CBX2: variants seen among roughly 807,000 people sequenced by gnomAD.
CBX2 encodes chromobox 2.
CBX2 carries 11 observed loss-of-function variants against 21.0 expected under a neutral mutation model. The ratio of observed to expected loss-of-function variants is 0.52; its 90% CI spans 0.33 to 0.87. CBX2 has a LOEUF of 0.87. Ranked by LOEUF, CBX2 falls within the 40% of genes least tolerant of loss-of-function variation. The pLI is 0.02. For synonymous variants in CBX2, 364 were observed against 304.6 expected (o/e 1.19, Z -2.03); for missense variants, 746 against 724.3 (o/e 1.03, Z -0.34).
In CBX2 at chr17:79,778,533, AG is replaced by A; in HGVS notation, c.116+107del. Reference sequence around the variant, plus strand: ...CGGTGGCCTGGGGGCGCCCGCGGGCAGAGCGGGAAGTTCGCGGGGTCCCCGC... The same window carrying A: ...CGGTGGCCTGGGGGCGCCCGCGGGCAAGCGGGAAGTTCGCGGGGTCCCCGC... On this transcript the variant is annotated intron_variant, in intron 2 of 4. Transcript: ENST00000310942. The surrounding 1 kb of genome is among the most constrained non-coding windows in gnomAD (Gnocchi z 4.8). 1.6e-6 allele frequency: 1 copy of A among 623,356 alleles called. No homozygotes were observed. The allele number at this position is 623,356 out of a possible 1,614,324, so 38.6% of individuals were successfully genotyped here. A position where few individuals can be genotyped will look rare whatever the true frequency, so the allele number is the denominator to read the frequency against.
rs1353017720 is a variant in CBX2, at chr17:79,785,342, T to C, written c.*300T>C. On this transcript the variant is annotated 3_prime_UTR_variant, in exon 5 of 5. Coordinates refer to ENST00000310942, the MANE Select transcript of CBX2 (RefSeq NM_005189.3). Reference sequence around the variant, plus strand: ...GCACCTGTGGCTCCAGGTGACTGTCTTGAACAGAGCGGGCTTCTTCATGGC... The same window carrying C: ...GCACCTGTGGCTCCAGGTGACTGTCCTGAACAGAGCGGGCTTCTTCATGGC... 1 of 501,298 alleles carries C rather than the reference T, an allele frequency of 2.0e-6. No individual in the cohort carries two copies. The highest frequency in any genetic ancestry group is 3.7e-6 in the Non-Finnish European group (1 of 273,866). The allele number at this position is 501,298 out of a possible 1,614,324, so 31.1% of individuals were successfully genotyped here.
Position 79,778,449 on chromosome 17 carries a change from G to T in CBX2, c.116+22G>T. On this transcript the variant is annotated intron_variant, in intron 2 of 4. Transcript: ENST00000310942. This position sits in a 1 kb window ranked among gnomAD's most constrained non-coding sequence, Gnocchi z 4.8. ...CCAAGTGAGTCCCCCGCGACGCCGC[G>T]CCCCCCTCCCGCCCCCTCGCCCGGG... 1 of 1,491,728 alleles carries T rather than the reference G, an allele frequency of 6.7e-7. No homozygotes were observed. The highest frequency in any genetic ancestry group is 1.4e-5 in the African/African-American group (1 of 69,272). The allele number at this position is 1,491,728 out of a possible 1,614,324, so 92.4% of individuals were successfully genotyped here. A position where few individuals can be genotyped will look rare whatever the true frequency, so the allele number is the denominator to read the frequency against.
chr17:79,787,225 G>A lies in CBX2; in HGVS notation c.*2183G>A, dbSNP rs781986370. 6.6e-5 allele frequency: 10 copies of A among 152,488 alleles called. No individual in the cohort carries two copies. Among genetic ancestry groups the A allele is most frequent in the Non-Finnish European group, 1.3e-4 (9 of 68,068 alleles). The allele number at this position is 152,488 out of a possible 1,614,324, so 9.4% of individuals were successfully genotyped here. A position where few individuals can be genotyped will look rare whatever the true frequency, so the allele number is the denominator to read the frequency against. On this transcript the variant is annotated 3_prime_UTR_variant, in exon 5 of 5. Coordinates refer to ENST00000310942, the MANE Select transcript of CBX2 (RefSeq NM_005189.3). ...TGCTACCTTCACTGCTCCAAAGCCA[G>A]ACTAACAGCTCTCCAAGCCCTTGGG...
At chr17:79,781,240 C>T (rs1322744959) in intron 3 of CBX2, among the ~76,000 whole-genome samples, 2 of 152,200 alleles carry the variant, frequency 1.3e-5, no homozygotes, top group African/African-American at 4.8e-5. Flanking sequence ...GCCCACGGTG[C>T]TCCTTGCCCG....
intron 4 of CBX2, among the ~76,000 whole-genome samples, chr17:79,782,834 A>G (rs1490397420): frequency 6.6e-6 from 1 of 152,144 alleles, no homozygotes; most frequent in African/African-American, 2.4e-5. Context: ...CTCCTAAAGC[A>G]CACGCTGTAG....
chr17:79,782,407 C>T (rs1328333959), intron 4 of CBX2: 67 of 1,352,282 alleles, frequency 5.0e-5, no homozygotes, highest in Non-Finnish European at 5.8e-5. Flanking sequence ...TATGCATGCG[C>T]CCCTGGGGTC....
rs1284376791 is a variant in CBX2, at chr17:79,787,572, TTGC to T, written c.*2535_*2537del. 5.9e-5 allele frequency: 9 copies of T among 152,552 alleles called. No homozygotes were observed. The highest frequency in any genetic ancestry group is 7.2e-5 in the African/African-American group (3 of 41,464). 9.4% of individuals were successfully genotyped at this position (152,552 alleles called of 1,614,324 possible). A position where few individuals can be genotyped will look rare whatever the true frequency, so the allele number is the denominator to read the frequency against. On this transcript the variant is annotated 3_prime_UTR_variant, in exon 5 of 5. Coordinates refer to ENST00000310942, the MANE Select transcript of CBX2 (RefSeq NM_005189.3). ...AAAAGTAGACTTTTTCTATTTTTAT[TTGC>T]TGCTATTTGTGTGTGTGTTTGTGTT...
Position 79,785,090 on chromosome 17 carries a change from T to A in CBX2, c.*48T>A. Reference sequence around the variant, plus strand: ...CGGTCTTACTCCCCTTCCCTGCCTATGGTGTCGCTTGGCTAAGTGACTCCC... The same window carrying A: ...CGGTCTTACTCCCCTTCCCTGCCTAAGGTGTCGCTTGGCTAAGTGACTCCC... On this transcript the variant is annotated 3_prime_UTR_variant, in exon 5 of 5. Coordinates refer to ENST00000310942, the MANE Select transcript of CBX2 (RefSeq NM_005189.3). The A allele has an allele frequency of 6.7e-7, 1 of 1,503,114 alleles. No homozygotes were observed. The highest frequency in any genetic ancestry group is 9.1e-7 in the Non-Finnish European group (1 of 1,093,254). The allele number at this position is 1,503,114 out of a possible 1,614,324, so 93.1% of individuals were successfully genotyped here.
Position 79,784,846 on chromosome 17 carries a change from A to C in CBX2, c.1403A>C (p.Asp468Ala). Reference sequence around the variant, plus strand: ...GCAGGTGAGGAGAGTAGCAGCTCGGACTCCGACCCCGACTCCGCCTCGCCG... The same window carrying C: ...GCAGGTGAGGAGAGTAGCAGCTCGGCCTCCGACCCCGACTCCGCCTCGCCG... ...MSAGEESSSSDSDPDSASPPS... is the reference protein window; with the variant it reads ...MSAGEESSSSASDPDSASPPS... The change falls in exon 5 of 5, where the codon GAC becomes GCC. Residue 468 changes from aspartate to alanine, a missense_variant. Asp to Ala is a moderately radical substitution (Grantham distance 126). Transcript: ENST00000310942. This position sits in a 1 kb window ranked among gnomAD's most constrained non-coding sequence, Gnocchi z 5.9. The C allele has an allele frequency of 6.2e-7, 1 of 1,612,596 alleles. No individual in the cohort carries two copies. Among genetic ancestry groups the C allele is most frequent in the Non-Finnish European group, 8.5e-7 (1 of 1,179,816 alleles).
Position 79,787,295 on chromosome 17 carries a change from C to G in CBX2, c.*2253C>G, listed in dbSNP as rs1555832281. 1 of 152,656 alleles carries G rather than the reference C, an allele frequency of 6.6e-6. No individual in the cohort carries two copies. Among genetic ancestry groups the G allele is most frequent in the East Asian group, 1.9e-4 (1 of 5,200 alleles). The allele number at this position is 152,656 out of a possible 1,614,324, so 9.5% of individuals were successfully genotyped here. On this transcript the variant is annotated 3_prime_UTR_variant, in exon 5 of 5. Coordinates refer to ENST00000310942, the MANE Select transcript of CBX2 (RefSeq NM_005189.3). ...CTGTTGGAGAAATGAGGATGTCTGT[C>G]CCTGTCTGCCTGGGCAGGCCAGATT...
At position 79,779,419 on chromosome 17, in the gene CBX2, C is replaced by T; in HGVS notation, c.174C>T (p.Phe58=). The change falls in exon 3 of 5, where the codon TTC becomes TTT. Residue 58 remains phenylalanine, a synonymous_variant. Coordinates refer to ENST00000310942, the MANE Select transcript of CBX2 (RefSeq NM_005189.3). ...TGGACCCGAGGCTGCTCCTGGCCTTCCAGAAGAAGTGAGGACGCTGACAGC... is the reference window on the plus strand; with the variant it reads ...TGGACCCGAGGCTGCTCCTGGCCTTTCAGAAGAAGTGAGGACGCTGACAGC... The part of the protein sequence containing the change: ...NILDPRLLLA[F]QKKEHEKEVQ... 1 of 1,612,856 alleles carries T rather than the reference C, an allele frequency of 6.2e-7. No individual in the cohort carries two copies. The highest frequency in any genetic ancestry group is 8.5e-7 in the Non-Finnish European group (1 of 1,179,778).
chr17:79,779,326 C>T (rs371788511), intron 2 of CBX2, 36 bp from the exon 3 acceptor site: 6 of 1,606,480 alleles, frequency 3.7e-6, no homozygotes, highest in African/African-American at 2.7e-5. Flanking sequence ...GATCATCAGC[C>T]TGGCGTCTAA....
intron 3 of CBX2, among the ~76,000 whole-genome samples, chr17:79,781,359 G>A (rs1907184744): frequency 6.6e-6 from 1 of 152,116 alleles, no homozygotes; most frequent in South Asian, 2.1e-4. Context: ...TGGCCACCGA[G>A]GCCACTTCTG....
At chr17:79,782,023 T>G (rs782364347) in intron 4 of CBX2, 1 of 1,614,038 alleles carries the variant, frequency 6.2e-7, no homozygotes, top group South Asian at 1.1e-5. Flanking sequence ...TCCCAGGGGC[T>G]TCCTGCTTCA....
chr17:79,781,923 C>G, intron 4 of CBX2, 122 bp downstream of exon 4: 1 of 1,614,184 alleles, frequency 6.2e-7, no homozygotes, highest in Non-Finnish European at 8.5e-7. Context: ...CAGTCTGTCC[C>G]TCTACTCGGA....
chr17:79,781,907 T>C (rs782325368), intron 4 of CBX2, 106 bp downstream of exon 4: 33 of 1,614,044 alleles, frequency 2.0e-5, no homozygotes, highest in Non-Finnish European at 2.7e-5. Flanking sequence ...GTGGCACTTC[T>C]GCCAACAGTC....
chr17:79,782,948 A>C (rs1444599348), intron 4 of CBX2, among the ~76,000 whole-genome samples: 1 of 152,182 alleles, frequency 6.6e-6, no homozygotes, highest in Non-Finnish European at 1.5e-5. Context: ...TGGTTTATTT[A>C]CCTGTATCCT....
chr17:79,785,542 C>T lies in CBX2; in HGVS notation c.*500C>T, dbSNP rs1289961637. On this transcript the variant is annotated 3_prime_UTR_variant, in exon 5 of 5. Transcript: ENST00000310942. Reference sequence around the variant, plus strand: ...AGGCATGGCCAGTGGGACTAGTGTTCCCTCCATCTGGCCACAGCTTTTGGG... The same window carrying T: ...AGGCATGGCCAGTGGGACTAGTGTTTCCTCCATCTGGCCACAGCTTTTGGG... 2 of 171,730 alleles carry T rather than the reference C, an allele frequency of 1.2e-5. No individual in the cohort carries two copies. Among genetic ancestry groups the T allele is most frequent in the Non-Finnish European group, 2.5e-5 (2 of 78,536 alleles). 10.6% of individuals were successfully genotyped at this position (171,730 alleles called of 1,614,324 possible).
At chr17:79,780,444 C>T (rs782007061) in intron 3 of CBX2, among the ~76,000 whole-genome samples, 5 of 152,186 alleles carry the variant, frequency 3.3e-5, no homozygotes, top group Non-Finnish European at 7.3e-5. Context: ...TAACAGCAAC[C>T]CATCGTCTTC....
Sources: gnomAD v4.1 joint callset for allele counts (sites outside exome capture counted in the v4.1 genomes callset) on GRCh38, gnomAD v4.1.1 for gene constraint, Gnocchi (gnomAD v3.1) non-coding constraint, MANE v1.5 for transcripts, NCBI Gene and HGNC (gene_info 2026-07-23, HGNC 2026-07-21) for gene names.